The following SCP2 variants were observed in gnomAD, a reference collection of about 807,000 sequenced individuals.
The protein encoded by SCP2 is SCP-2/3-oxoacyl-CoA thiolase.
Under a neutral mutation model 71.4 loss-of-function variants are expected in SCP2, and 48 were observed. The observed-to-expected ratio is 0.67, with a 90% confidence interval of 0.53 to 0.86. The LOEUF (loss-of-function observed/expected upper bound fraction) is 0.86, where lower values mean the gene tolerates loss of function less well. Among genes scored for constraint, SCP2 ranks in the 40% least tolerant of loss-of-function variants. SCP2 has a pLI of 0.00. For missense variants in SCP2, 560 were observed against 655.6 expected (o/e 0.85, Z 1.59); for synonymous variants, 220 against 218.1 (o/e 1.01, Z -0.08).
intron 10 of SCP2, among the ~76,000 whole-genome samples, chr1:52,987,357 C>T (rs1359142717): frequency 6.6e-6 from 1 of 152,098 alleles, no homozygotes; most frequent in Admixed American, 6.5e-5. Context: ...GCATTGCCAC[C>T]ATCATTACTA....
chr1:52,989,134 A>G (rs114711223), intron 11 of SCP2, among the ~76,000 whole-genome samples: 246 of 152,298 alleles, frequency 1.6e-3, no homozygotes, highest in Non-Finnish European at 3.0e-3. Context: ...TCCTAAGTAT[A>G]TTATAACCCT....
intron 14 of SCP2, among the ~76,000 whole-genome samples, chr1:53,039,822 A>C (rs1421444109): frequency 1.3e-5 from 2 of 152,138 alleles, no homozygotes; most frequent in Non-Finnish European, 2.9e-5. Context: ...TTTAGTATGG[A>C]CCCAGCCACT....
chr1:53,024,926 C>T (rs549616401), intron 12 of SCP2, among the ~76,000 whole-genome samples: 107 of 151,912 alleles, frequency 7.0e-4, no homozygotes, highest in African/African-American at 2.3e-3. Context: ...CATCTTTATC[C>T]CCCCCACCAA....
intron 8 of SCP2, among the ~76,000 whole-genome samples, chr1:52,977,755 G>A (rs1372533144): frequency 6.6e-6 from 1 of 152,172 alleles, no homozygotes; most frequent in Non-Finnish European, 1.5e-5. Context: ...GAGGTTGGGA[G>A]TTCGAGACCA....
chr1:52,930,283 C>G (rs1236241792), intron 1 of SCP2, among the ~76,000 whole-genome samples: 2 of 151,104 alleles, frequency 1.3e-5, no homozygotes, highest in Non-Finnish European at 2.9e-5. Flanking sequence ...ACGCTTATTA[C>G]ATGTGATGAA....
chr1:52,963,735 A>G (rs931450282), intron 6 of SCP2: 9 of 152,106 alleles, frequency 5.9e-5, no homozygotes, highest in African/African-American at 1.7e-4. Context: ...GTGTATGCCT[A>G]TTTTTCATAT....
At chr1:53,030,338 A>G (rs1360274285) in intron 13 of SCP2, among the ~76,000 whole-genome samples, 1 of 152,148 alleles carries the variant, frequency 6.6e-6, no homozygotes, top group Non-Finnish European at 1.5e-5. Context: ...TTAAGTATTT[A>G]AGCTATGATC....
At chr1:53,002,734 TG>T in intron 11 of SCP2, among the ~76,000 whole-genome samples, 1 of 152,368 alleles carries the variant, frequency 6.6e-6, no homozygotes, top group Admixed American at 6.5e-5. Context: ...TATTCTATCC[TG>T]TGATTTTTGT....
chr1:52,979,311 A>G (rs568785651), intron 9 of SCP2, among the ~76,000 whole-genome samples: 1 of 151,070 alleles, frequency 6.6e-6, no homozygotes, highest in Non-Finnish European at 1.5e-5. Context: ...AAGTGGGACT[A>G]CAGGCATGTG....
intron 14 of SCP2, among the ~76,000 whole-genome samples, chr1:53,047,641 ATTTAT>A (rs1019028743): frequency 2.0e-5 from 3 of 152,176 alleles, no homozygotes; most frequent in Non-Finnish European, 2.9e-5. Context: ...ATATACCATA[ATTTAT>A]TTAATCAATT....
At chr1:52,930,091 C>G (rs1392531067) in intron 1 of SCP2, among the ~76,000 whole-genome samples, 2 of 152,196 alleles carry the variant, frequency 1.3e-5, no homozygotes. Flanking sequence ...CCTCAGACTA[C>G]TCTAAGTTAC....
chr1:52,982,387 G>A lies in SCP2; in HGVS notation c.973+1844G>A, dbSNP rs536108299. 2.2e-3 allele frequency among the ~76,000 whole-genome samples: 341 copies of A among 152,162 alleles called. 1 individual carries two copies. Among genetic ancestry groups the A allele is most frequent in the Non-Finnish European group, 3.7e-3 (252 of 68,008 alleles). Reference sequence around the variant, plus strand: ...AGATCGAGACCATCCTGGCTAACACGGTGAAACCCCCTCTCTACTAAAAAT... The same window carrying A: ...AGATCGAGACCATCCTGGCTAACACAGTGAAACCCCCTCTCTACTAAAAAT... On this transcript the variant is annotated intron_variant, in intron 10 of 15. Coordinates refer to ENST00000371514, the MANE Select transcript of SCP2 (RefSeq NM_002979.5).
rs570602738 is a variant in SCP2, at chr1:52,938,224, C to T, written c.70-3572C>T. Among the ~76,000 whole-genome samples the T allele has an allele frequency of 2.6e-5, 4 of 152,240 alleles. No homozygotes were observed. The South Asian group carries it at 8.3e-4, about 32-fold the overall frequency. ...GTGACTGAGGCTCAGGAGACAAGTC[C>T]TGTTGGTATCCTACCTTGAAATAAG... On this transcript the variant is annotated intron_variant, in intron 1 of 15. Transcript: ENST00000371514.
chr1:53,001,383 C>T (rs977256744), intron 11 of SCP2, among the ~76,000 whole-genome samples: 2 of 152,088 alleles, frequency 1.3e-5, no homozygotes, highest in Admixed American at 6.6e-5. Flanking sequence ...AGGAGATGCA[C>T]AAAGAGGAAG....
At chr1:52,970,623 G>A (rs1301327487) in intron 6 of SCP2, among the ~76,000 whole-genome samples, 1 of 151,680 alleles carries the variant, frequency 6.6e-6, no homozygotes, top group Non-Finnish European at 1.5e-5. Context: ...TATAGTCATG[G>A]TTTGATCTAT....
Position 52,929,538 on chromosome 1 carries a change from C to T in SCP2, c.69+2073C>T, listed in dbSNP as rs548090719. Among the ~76,000 whole-genome samples the T allele has an allele frequency of 4.6e-5, 7 of 152,186 alleles. No homozygotes were observed. The East Asian group carries it at 1.4e-3, about 29-fold the overall frequency. On this transcript the variant is annotated intron_variant, in intron 1 of 15. Coordinates refer to ENST00000371514, the MANE Select transcript of SCP2 (RefSeq NM_002979.5). ...TCAGCTCACTGCAACCTCTGCCTCCCAGGTTCAAGTGATTCTTCTGCTCAG... is the reference window on the plus strand; with the variant it reads ...TCAGCTCACTGCAACCTCTGCCTCCTAGGTTCAAGTGATTCTTCTGCTCAG...
At chr1:52,969,622 G>T (rs1657276473) in intron 6 of SCP2, among the ~76,000 whole-genome samples, 1 of 152,198 alleles carries the variant, frequency 6.6e-6, no homozygotes, top group African/African-American at 2.4e-5. Context: ...TGGAGTTCAA[G>T]ACCAGCCTGG....
At chr1:53,009,107 C>G (rs1181601166) in intron 11 of SCP2, among the ~76,000 whole-genome samples, 1 of 152,144 alleles carries the variant, frequency 6.6e-6, no homozygotes, top group Non-Finnish European at 1.5e-5. Flanking sequence ...CTACAAACCA[C>G]TGCTCAACGA....
intron 11 of SCP2, among the ~76,000 whole-genome samples, chr1:52,990,651 G>A (rs888178396): frequency 6.0e-5 from 9 of 149,172 alleles, no homozygotes; most frequent in South Asian, 2.1e-4. Context: ...GGAGAATGGC[G>A]TGAACCCGGG....
Sources: allele counts gnomAD v4.1 joint callset (sites outside exome capture counted in the v4.1 genomes callset), GRCh38; gene constraint gnomAD v4.1.1; transcripts MANE v1.5; gene names NCBI Gene and HGNC (gene_info 2026-07-23, HGNC 2026-07-21).